Variants in NEDD4 observed in about 807,000 individuals in gnomAD.
The protein encoded by NEDD4 is E3 ubiquitin-protein ligase NEDD4.
NEDD4 carries 99 observed loss-of-function variants against 144.9 expected under a neutral mutation model. That is an observed-to-expected ratio of 0.68 (90% CI 0.58 to 0.81). NEDD4 has a LOEUF of 0.81. Ranked by LOEUF, NEDD4 falls within the 30% of genes least tolerant of loss-of-function variation. The probability of loss-of-function intolerance (pLI) is 0.00; values close to 1 mark genes in which losing one functional copy is unlikely to be tolerated. For missense variants in NEDD4, 985 were observed against 1,065.9 expected (o/e 0.92, Z 1.06); for synonymous variants, 318 against 350.6 (o/e 0.91, Z 1.04).
intron 5 of NEDD4, chr15:55,916,873 C>T: frequency 6.5e-7 from 1 of 1,545,426 alleles, no homozygotes; most frequent in Non-Finnish European, 8.7e-7. Flanking sequence ...AAAGTCATAA[C>T]AAAGATCTCT....
At chr15:55,946,723 C>T (rs1356040974) in intron 4 of NEDD4, among the ~76,000 whole-genome samples, 6 of 152,146 alleles carry the variant, frequency 3.9e-5, no homozygotes, top group African/African-American at 1.2e-4. Context: ...AGCACCACAC[C>T]ACACTTATTC....
chr15:55,939,687 T>G (rs2142270837), intron 4 of NEDD4, among the ~76,000 whole-genome samples: 1 of 152,320 alleles, frequency 6.6e-6, no homozygotes, highest in African/African-American at 2.4e-5. Flanking sequence ...TTAGATTTTT[T>G]TAGTTAACAA....
chr15:55,926,870 G>T (rs2036677758), intron 4 of NEDD4, among the ~76,000 whole-genome samples: 1 of 152,074 alleles, frequency 6.6e-6, no homozygotes, highest in South Asian at 2.1e-4. Context: ...GAGTTCAGGA[G>T]TCTGAAACCA....
At chr15:55,869,463 A>C in intron 8 of NEDD4, 116 bp downstream of exon 8, 1 of 619,368 alleles carries the variant, frequency 1.6e-6, no homozygotes, top group Non-Finnish European at 2.7e-6. Flanking sequence ...TAAACATCCA[A>C]GTAAATAATC....
At chr15:55,889,245 C>T (rs547268119) in intron 5 of NEDD4, among the ~76,000 whole-genome samples, 1 of 152,264 alleles carries the variant, frequency 6.6e-6, no homozygotes, top group Non-Finnish European at 1.5e-5. Context: ...AGGAAATCAG[C>T]GTATTGAAAG....
At chr15:55,850,503 T>C (rs1234044357) in intron 14 of NEDD4, 39 bp downstream of exon 14, 2 of 1,578,918 alleles carry the variant, frequency 1.3e-6, no homozygotes, top group Middle Eastern at 1.8e-4. Flanking sequence ...GAGATGATTA[T>C]TGTTGTTATA....
chr15:55,924,041 G>C (rs2036618415), intron 5 of NEDD4, among the ~76,000 whole-genome samples: 1 of 152,152 alleles, frequency 6.6e-6, no homozygotes, highest in African/African-American at 2.4e-5. Context: ...GAAAAGGATA[G>C]GACTTTAAGA....
intron 6 of NEDD4, among the ~76,000 whole-genome samples, chr15:55,873,271 GAT>G (rs1487981918): frequency 1.3e-5 from 2 of 152,146 alleles, no homozygotes; most frequent in African/African-American, 4.8e-5. Context: ...TCTGGACAGT[GAT>G]AACACTCAAT....
chr15:55,903,970 G>A (rs1243254915), intron 5 of NEDD4, among the ~76,000 whole-genome samples: 1 of 151,678 alleles, frequency 6.6e-6, no homozygotes, highest in African/African-American at 2.4e-5. Flanking sequence ...GACCAGCCTG[G>A]CCAACACGGT....
rs151336103 is a variant in NEDD4 at position 55,880,104 on chromosome 15, C to G, written c.292-6096G>C. Among the ~76,000 whole-genome samples the G allele has an allele frequency of 9.3e-3, 1,422 of 152,144 alleles. 10 individuals carry two copies. Among genetic ancestry groups the G allele is most frequent in the Non-Finnish European group, 0.016 (1,065 of 68,004 alleles). On this transcript the variant is annotated intron_variant, in intron 5 of 28. Transcript: ENST00000435532. Reference sequence around the variant, plus strand: ...GTCAGGAGTTCGAGACCAGCCTGACCTACATGGTGAAACCCCATCTCTACT... The same window carrying G: ...GTCAGGAGTTCGAGACCAGCCTGACGTACATGGTGAAACCCCATCTCTACT...
In NEDD4 at chr15:55,956,384, C is replaced by T. The variant is rs576272051; in HGVS notation, c.120-4795G>A. Among the ~76,000 whole-genome samples the T allele has an allele frequency of 3.9e-5, 6 of 152,136 alleles. No individual in the cohort carries two copies. In the South Asian group the frequency reaches 1.0e-3, roughly 26 times the overall value. ...TACTGTTCACGTAAACTTTGTGTAA[C>T]CCAATAGAGCAAAGATTTTTTTCCT... On this transcript the variant is annotated intron_variant, in intron 2 of 28. Transcript: ENST00000435532.
chr15:55,940,702 GT>G (rs1183248927), intron 4 of NEDD4, among the ~76,000 whole-genome samples: 6 of 150,182 alleles, frequency 4.0e-5, no homozygotes, highest in Admixed American at 6.7e-5. Flanking sequence ...GAAGAGGGTC[GT>G]TTTTTTTTGG....
At chr15:55,979,363 T>TTTTTG (rs1437639721) in intron 1 of NEDD4, among the ~76,000 whole-genome samples, 3 of 109,898 alleles carry the variant, frequency 2.7e-5, no homozygotes, top group East Asian at 3.3e-4. Context: ...TTTTTTTTTT[T>TTTTTG]TGAGACGGAG....
intron 5 of NEDD4, among the ~76,000 whole-genome samples, chr15:55,922,185 G>A (rs1483544918): frequency 6.6e-6 from 1 of 152,130 alleles, no homozygotes; most frequent in Non-Finnish European, 1.5e-5. Flanking sequence ...ATCTATTAAG[G>A]AGGTTAAATA....
At chr15:55,911,980 T>A (rs62043851) in intron 5 of NEDD4, among the ~76,000 whole-genome samples, 21,758 of 152,120 alleles carry the variant, frequency 0.14, 1,701 homozygotes, top group East Asian at 0.35. Flanking sequence ...ACAAGACACA[T>A]CTACAGAGAA....
At chr15:55,951,350 T>C (rs2037234677) in intron 4 of NEDD4, 26 bp downstream of exon 4, 1 of 847,866 alleles carries the variant, frequency 1.2e-6, no homozygotes, top group Admixed American at 3.7e-5. Flanking sequence ...CTTTTTCCAC[T>C]TTAGTAAAAT....
intron 5 of NEDD4, among the ~76,000 whole-genome samples, chr15:55,878,845 G>A (rs1186290166): frequency 1.3e-5 from 2 of 152,174 alleles, no homozygotes; most frequent in Non-Finnish European, 2.9e-5. Context: ...TTTTTGAGAC[G>A]GAGTTTCGCT....
At chr15:55,957,423 GT>G (rs1224470816) in intron 2 of NEDD4, among the ~76,000 whole-genome samples, 4 of 152,156 alleles carry the variant, frequency 2.6e-5, no homozygotes, top group Non-Finnish European at 5.9e-5. Context: ...TAGCTACTGG[GT>G]TTTTTCATAG....
At chr15:55,940,030 T>G (rs2036967503) in intron 4 of NEDD4, among the ~76,000 whole-genome samples, 1 of 152,144 alleles carries the variant, frequency 6.6e-6, no homozygotes. Flanking sequence ...TTATTCAGCC[T>G]TCAAAAAGGA....
Sources: allele counts gnomAD v4.1 joint callset (sites outside exome capture counted in the v4.1 genomes callset), GRCh38; gene constraint gnomAD v4.1.1; transcripts MANE v1.5; gene names NCBI Gene and HGNC (gene_info 2026-07-23, HGNC 2026-07-21).